Variants in GYS2 observed in about 807,000 individuals in gnomAD.
GYS2 encodes the protein glycogen synthase 2.
Under a neutral mutation model 85.6 loss-of-function variants are expected in GYS2, and 80 were observed. The observed-to-expected ratio is 0.93, with a 90% CI of 0.78 to 1.13. GYS2 has a LOEUF of 1.13. Among genes scored for constraint, GYS2 ranks in the 50% most tolerant of loss-of-function variants. The pLI is 0.00. For synonymous variants in GYS2, 328 were observed against 300.7 expected, an observed-to-expected ratio of 1.09 and a Z score of -0.94; for missense variants, 881 against 854.9, an observed-to-expected ratio of 1.03 and a Z score of -0.38.
rs760594068 is a variant in GYS2, at chr12:21,575,981, A to G, written c.380T>C (p.Leu127Pro). 7.4e-6 allele frequency: 12 copies of G among 1,613,748 alleles called. No individual in the cohort carries two copies. The highest frequency in any genetic ancestry group is 1.0e-5 in the Non-Finnish European group (12 of 1,179,826). ...CCAGAGGTCACCCTTCCACCTGTCC[A>G]GATTCCAAGCTGAATAGCCTATGTC... ...LFDIGYSAWN[L>P]DRWKGDLWEA... The change falls in exon 3 of 16, where the codon CTG (leucine) becomes CCG (proline). Residue 127 changes from leucine to proline, a missense_variant. Physicochemically the swap from Leu to Pro is moderately conservative, Grantham distance 98. Transcript: ENST00000261195.
chr12:21,594,901 T>G (rs1944678314), intron 1 of GYS2, among the ~76,000 whole-genome samples: 1 of 152,272 alleles, frequency 6.6e-6, no homozygotes, highest in South Asian at 2.1e-4. Context: ...AACAGACACT[T>G]AGACCAATGG....
At chr12:21,593,315 G>A (rs973764837) in intron 1 of GYS2, among the ~76,000 whole-genome samples, 6 of 129,236 alleles carry the variant, frequency 4.6e-5, no homozygotes, top group African/African-American at 1.7e-4. Context: ...AACAACAAGG[G>A]ATTAGCAAAA....
intron 11 of GYS2, among the ~76,000 whole-genome samples, chr12:21,547,949 A>G (rs1339203476): frequency 5.3e-5 from 8 of 152,202 alleles, no homozygotes; most frequent in Admixed American, 4.6e-4. Context: ...GTGGATATAT[A>G]CAATACTCCT....
rs764967152 is a variant in GYS2 at position 21,576,008 on chromosome 12, A to G, written c.353T>C (p.Phe118Ser). ...LIEGSPYVVL[F>S]DIGYSAWNLD... ...ATTCCAAGCTGAATAGCCTATGTCAAAAAGTACCACATAAGGACTTCCTTC... is the reference window on the plus strand; with the variant it reads ...ATTCCAAGCTGAATAGCCTATGTCAGAAAGTACCACATAAGGACTTCCTTC... Residue 118 changes from phenylalanine to serine, a missense_variant, in exon 3 of 16, where the codon TTT (phenylalanine) becomes TCT (serine). By Grantham distance (155) the Phe-to-Ser change is radical. Coordinates refer to ENST00000261195, the MANE Select transcript of GYS2 (RefSeq NM_021957.4). 9 of 1,613,770 alleles carry G rather than the reference A, an allele frequency of 5.6e-6. No homozygotes were observed. Among genetic ancestry groups the G allele is most frequent in the African/African-American group, 1.3e-5 (1 of 74,908 alleles).
intron 11 of GYS2, among the ~76,000 whole-genome samples, chr12:21,551,640 A>T (rs1223168394): frequency 2.0e-5 from 3 of 152,210 alleles, no homozygotes; most frequent in Non-Finnish European, 4.4e-5. Flanking sequence ...TAAACTTAAG[A>T]ATAAAATGAT....
intron 5 of GYS2, among the ~76,000 whole-genome samples, chr12:21,566,505 T>C (rs888306317): frequency 1.3e-5 from 2 of 152,154 alleles, no homozygotes; most frequent in African/African-American, 4.8e-5. Context: ...GAAGCCCAGA[T>C]TGCAGTGTTT....
rs183517532 is a variant in GYS2, at chr12:21,544,598, C to T, written c.1549+1746G>A. Among the ~76,000 whole-genome samples, 29 of 152,254 alleles carry T rather than the reference C, an allele frequency of 1.9e-4. 1 individual carries two copies. Among genetic ancestry groups the T allele is most frequent in the Admixed American group, 1.7e-3 (26 of 15,294 alleles). ...AAGGTCAAAAACAAAGTGTTAAGTT[C>T]ATCAGTGAAACGTGTGCTTTATGTA... On this transcript the variant is annotated intron_variant, in intron 12 of 15. Coordinates refer to ENST00000261195, the MANE Select transcript of GYS2 (RefSeq NM_021957.4).
At chr12:21,584,200 C>A (rs1200891183) in intron 1 of GYS2, among the ~76,000 whole-genome samples, 1 of 152,130 alleles carries the variant, frequency 6.6e-6, no homozygotes, top group African/African-American at 2.4e-5. Flanking sequence ...GAGAAATGGC[C>A]AGATTTGCGA....
intron 11 of GYS2, among the ~76,000 whole-genome samples, chr12:21,549,266 A>G (rs1295123535): frequency 6.6e-6 from 1 of 152,208 alleles, no homozygotes; most frequent in Non-Finnish European, 1.5e-5. Flanking sequence ...CTAAGGGGTT[A>G]TTGAAAATAA....
downstream of GYS2, among the ~76,000 whole-genome samples, chr12:21,535,361 C>A (rs950900477): frequency 2.0e-5 from 3 of 152,108 alleles, no homozygotes; most frequent in Non-Finnish European, 4.4e-5. Context: ...CAGTATCTTT[C>A]TGGTACTTCA....
intron 5 of GYS2, among the ~76,000 whole-genome samples, chr12:21,564,999 G>T (rs1416615191): frequency 6.6e-6 from 1 of 152,006 alleles, no homozygotes; most frequent in Non-Finnish European, 1.5e-5. Context: ...GCTATAGAAG[G>T]CAAGAATGTA....
chr12:21,594,624 A>G (rs1944675728), intron 1 of GYS2, among the ~76,000 whole-genome samples: 1 of 152,220 alleles, frequency 6.6e-6, no homozygotes, highest in African/African-American at 2.4e-5. Flanking sequence ...GAGATATCCT[A>G]TGTTCATGGA....
chr12:21,554,210 G>A (rs1944149694), intron 11 of GYS2, among the ~76,000 whole-genome samples: 1 of 151,878 alleles, frequency 6.6e-6, no homozygotes, highest in African/African-American at 2.4e-5. Flanking sequence ...AAGGAAGTGA[G>A]CAAGGAAGGA....
At chr12:21,575,557 A>T (rs1030640053) in intron 3 of GYS2, among the ~76,000 whole-genome samples, 1 of 152,082 alleles carries the variant, frequency 6.6e-6, no homozygotes, top group Admixed American at 6.6e-5. Context: ...TTAAGATTCT[A>T]TACTTCATGT....
At chr12:21,588,222 TA>T (rs1040354406) in intron 1 of GYS2, among the ~76,000 whole-genome samples, 1 of 152,232 alleles carries the variant, frequency 6.6e-6, no homozygotes, top group African/African-American at 2.4e-5. Context: ...TTTCAAAACA[TA>T]TTCCATTTCA....
intron 11 of GYS2, among the ~76,000 whole-genome samples, chr12:21,554,930 C>T (rs746409465): frequency 9.9e-5 from 15 of 152,200 alleles, no homozygotes; most frequent in Non-Finnish European, 2.9e-5. Context: ...CTTCCAGCCT[C>T]AGTCTTCCCA....
chr12:21,571,366 T>A (rs1225343819), intron 4 of GYS2, among the ~76,000 whole-genome samples: 2 of 152,210 alleles, frequency 1.3e-5, no homozygotes, highest in African/African-American at 4.8e-5. Flanking sequence ...ACAGGACATA[T>A]CTGGACCTGG....
intron 1 of GYS2, among the ~76,000 whole-genome samples, chr12:21,600,251 T>C (rs1944740909): frequency 6.6e-6 from 1 of 152,112 alleles, no homozygotes; most frequent in African/African-American, 2.4e-5. Flanking sequence ...GCCTCTCAGG[T>C]AGCTAGGACT....
chr12:21,602,536 C>A (rs182914406), intron 1 of GYS2, among the ~76,000 whole-genome samples: 139 of 152,006 alleles, frequency 9.1e-4, no homozygotes, highest in African/African-American at 3.2e-3. Context: ...CCATACCAGG[C>A]TATGATAATA....
Sources: allele counts gnomAD v4.1 joint callset (sites outside exome capture counted in the v4.1 genomes callset), GRCh38; gene constraint gnomAD v4.1.1; transcripts MANE v1.5; gene names NCBI Gene and HGNC (gene_info 2026-07-23, HGNC 2026-07-21).